The following MTMR6 variants were observed in gnomAD, a reference collection of about 807,000 sequenced individuals.
The protein encoded by MTMR6 is myotubularin related protein 6.
A neutral mutation model predicts 80.1 loss-of-function variants in MTMR6; 47 were observed. The ratio of observed to expected loss-of-function variants is 0.59; its 90% CI spans 0.46 to 0.75. The LOEUF (loss-of-function observed/expected upper bound fraction) is 0.75, where lower values mean the gene tolerates loss of function less well. Among genes scored for constraint, MTMR6 ranks in the 30% least tolerant of loss-of-function variants. MTMR6 has a pLI of 0.00. For synonymous variants in MTMR6, 254 were observed against 253.0 expected, an observed-to-expected ratio of 1.00 and a Z score of -0.04; for missense variants, 629 against 730.9, an observed-to-expected ratio of 0.86 and a Z score of 1.61.
chr13:25,264,489 T>A (rs932501328), intron 5 of MTMR6, among the ~76,000 whole-genome samples: 6 of 152,012 alleles, frequency 3.9e-5, no homozygotes, highest in African/African-American at 1.2e-4. Flanking sequence ...GCGCAGTGGC[T>A]CACACCTGTA....
intron 1 of MTMR6, among the ~76,000 whole-genome samples, chr13:25,286,598 G>C (rs531602700): frequency 2.0e-5 from 3 of 152,306 alleles, no homozygotes; most frequent in African/African-American, 4.8e-5. Flanking sequence ...ATCGAATAAA[G>C]CTGCATCCGA....
In MTMR6 at chr13:25,260,452, C is replaced by T; in HGVS notation, c.726+1216G>A. On this transcript the variant is annotated intron_variant, in intron 6 of 13. Transcript: ENST00000381801. ...CAAAGTACAATTTACTCAAATTAAT[C>T]TCTTCTTCTGGTTTCTAAATTATCT... The T allele has an allele frequency of 8.6e-6, 4 of 464,520 alleles. No individual in the cohort carries two copies. The South Asian group carries it at 9.5e-5, about 11-fold the overall frequency. 28.8% of individuals were successfully genotyped at this position (464,520 alleles called of 1,614,324 possible). A position where few individuals can be genotyped will look rare whatever the true frequency, so the allele number is the denominator to read the frequency against.
rs1957344645 is a variant in MTMR6, at chr13:25,261,659, A to G, written c.726+9T>C. ...AACTAGCAGACTGTACTGTATTTAA[A>G]ATACATACTTTTGGCCTGGTATCCA... is the stretch of plus-strand genomic sequence containing the variant. On this transcript the variant is annotated intron_variant, in intron 6 of 13. Coordinates refer to ENST00000381801, the MANE Select transcript of MTMR6 (RefSeq NM_004685.5). 2 of 1,605,038 alleles carry G rather than the reference A, an allele frequency of 1.2e-6. No homozygotes were observed. Among genetic ancestry groups the G allele is most frequent in the Non-Finnish European group, 1.7e-6 (2 of 1,175,248 alleles).
intron 1 of MTMR6, among the ~76,000 whole-genome samples, chr13:25,283,854 G>A (rs187082426): frequency 1.3e-5 from 2 of 152,282 alleles, no homozygotes; most frequent in African/African-American, 4.8e-5. Flanking sequence ...TTTCTTGGCA[G>A]GACTATGTCA....
At chr13:25,262,951 C>G (rs1957372298) in intron 5 of MTMR6, among the ~76,000 whole-genome samples, 1 of 152,232 alleles carries the variant, frequency 6.6e-6, no homozygotes, top group African/African-American at 2.4e-5. Flanking sequence ...GAGGCCATAA[C>G]CATTTAACCT....
At chr13:25,254,583 C>T (rs1242241190) in intron 9 of MTMR6, 149 bp from the exon 10 acceptor site, 1 of 619,920 alleles carries the variant, frequency 1.6e-6, no homozygotes, top group East Asian at 3.1e-5. Flanking sequence ...CAAAAGAATG[C>T]CAAAACCTTG....
At chr13:25,269,646 T>A (rs1957528009) in intron 2 of MTMR6, among the ~76,000 whole-genome samples, 1 of 151,972 alleles carries the variant, frequency 6.6e-6, no homozygotes, top group African/African-American at 2.4e-5. Context: ...ATTATTTATA[T>A]AATACACATA....
In MTMR6 at chr13:25,253,967, A is replaced by C; in HGVS notation, c.1146-3T>G. ...GGTCACCATCCAACTGGCCACACCT[A>C]ACCCCACAGAAAGTATAAGCTTTTA... On this transcript the variant is annotated splice_polypyrimidine_tract_variant and splice_region_variant and intron_variant, in intron 10 of 13. Coordinates refer to ENST00000381801, the MANE Select transcript of MTMR6 (RefSeq NM_004685.5). 6.2e-7 allele frequency: 1 copy of C among 1,612,394 alleles called. No individual in the cohort carries two copies. The highest frequency in any genetic ancestry group is 8.5e-7 in the Non-Finnish European group (1 of 1,179,896).
intron 3 of MTMR6, among the ~76,000 whole-genome samples, chr13:25,267,111 G>A (rs1471207452): frequency 1.3e-5 from 2 of 152,042 alleles, no homozygotes; most frequent in African/African-American, 4.8e-5. Flanking sequence ...AGCCGGGTGT[G>A]GTGGTGGCTG....
At chr13:25,283,000 T>C (rs1957889644) in intron 1 of MTMR6, among the ~76,000 whole-genome samples, 1 of 151,930 alleles carries the variant, frequency 6.6e-6, no homozygotes, top group South Asian at 2.1e-4. Context: ...TTCAATGATT[T>C]ACCTAAACAC....
intron 4 of MTMR6, 52 bp downstream of exon 4, chr13:25,266,076 TA>T: frequency 1.9e-6 from 3 of 1,603,570 alleles, no homozygotes; most frequent in Non-Finnish European, 2.6e-6. Context: ...TGACACTCTC[TA>T]ACCCTCTGGT....
At position 25,287,334 on chromosome 13, in the gene MTMR6, G is replaced by A. The variant is rs916889250; in HGVS notation, c.-87C>T. 6 of 1,509,062 alleles carry A rather than the reference G, an allele frequency of 4.0e-6. No homozygotes were observed. The highest frequency in any genetic ancestry group is 5.4e-6 in the Non-Finnish European group (6 of 1,119,316). 93.5% of individuals were successfully genotyped at this position (1,509,062 alleles called of 1,614,324 possible). ...GCGGTGACAGCGACAGAGAGCAAGCGGGAACTCCCTCCACCAGCCAGCGCC... is the reference window on the plus strand; with the variant it reads ...GCGGTGACAGCGACAGAGAGCAAGCAGGAACTCCCTCCACCAGCCAGCGCC... On this transcript the variant is annotated 5_prime_UTR_variant, in exon 1 of 14. Transcript: ENST00000381801.
At position 25,254,340 on chromosome 13, in the gene MTMR6, G is replaced by T. The variant is rs746858588; in HGVS notation, c.1145+45C>A. On this transcript the variant is annotated intron_variant, in intron 10 of 13. Coordinates refer to ENST00000381801, the MANE Select transcript of MTMR6 (RefSeq NM_004685.5). Reference sequence around the variant, plus strand: ...GAAACATTTTGGCATTCTAAACTTGGTTTACTAATTTTATAAAATATATGA... The same window carrying T: ...GAAACATTTTGGCATTCTAAACTTGTTTTACTAATTTTATAAAATATATGA... 3 of 1,395,530 alleles carry T rather than the reference G, an allele frequency of 2.1e-6. No individual in the cohort carries two copies. In the African/African-American group the frequency reaches 4.3e-5, roughly 20 times the overall value. The allele number at this position is 1,395,530 out of a possible 1,614,324, so 86.4% of individuals were successfully genotyped here. A position where few individuals can be genotyped will look rare whatever the true frequency, so the allele number is the denominator to read the frequency against.
At chr13:25,267,709 C>A (rs1271851067) in intron 3 of MTMR6, 70 bp downstream of exon 3, 16 of 1,432,660 alleles carry the variant, frequency 1.1e-5, no homozygotes, top group African/African-American at 2.9e-5. Flanking sequence ...AATAATAAAA[C>A]ATTAAATAAA....
intron 6 of MTMR6, among the ~76,000 whole-genome samples, chr13:25,261,383 AATAAC>A (rs1258962360): frequency 4.6e-5 from 7 of 151,562 alleles, no homozygotes; most frequent in Non-Finnish European, 1.0e-4. Context: ...ATTTCTTCAC[AATAAC>A]ATAAGACTTA....
chr13:25,254,209 T>C (rs923040055), intron 10 of MTMR6, among the ~76,000 whole-genome samples, 176 bp downstream of exon 10: 1 of 152,172 alleles, frequency 6.6e-6, no homozygotes, highest in African/African-American at 2.4e-5. Context: ...ACAAGCGTAC[T>C]AGAATTGAAA....
chr13:25,247,698 T>A lies in MTMR6; in HGVS notation c.*1534A>T, dbSNP rs2137504689. 6.6e-6 allele frequency: 1 copy of A among 152,284 alleles called. No homozygotes were observed. Among genetic ancestry groups the A allele is most frequent in the African/African-American group, 2.4e-5 (1 of 41,578 alleles). 9.4% of individuals were successfully genotyped at this position (152,284 alleles called of 1,614,324 possible). ...TTGCTGTTTAAAAAGGAATATTTTTTAAATTACATAATGTATTACAGAAAA... is the reference window on the plus strand; with the variant it reads ...TTGCTGTTTAAAAAGGAATATTTTTAAAATTACATAATGTATTACAGAAAA... On this transcript the variant is annotated 3_prime_UTR_variant, in exon 14 of 14. Transcript: ENST00000381801.
intron 1 of MTMR6, among the ~76,000 whole-genome samples, 169 bp downstream of exon 1, chr13:25,287,055 A>G (rs1244781356): frequency 2.0e-5 from 3 of 151,442 alleles, no homozygotes; most frequent in African/African-American, 7.3e-5. Context: ...GCTTGGCCCA[A>G]GCTAACCCTG....
intron 5 of MTMR6, among the ~76,000 whole-genome samples, chr13:25,262,608 T>C (rs1042808372): frequency 1.3e-5 from 2 of 152,204 alleles, no homozygotes; most frequent in African/African-American, 4.8e-5. Context: ...GCTCAAGCGA[T>C]CTGCCCACCT....
Sources: gnomAD v4.1 joint callset for allele counts (sites outside exome capture counted in the v4.1 genomes callset) on GRCh38, gnomAD v4.1.1 for gene constraint, MANE v1.5 for transcripts, NCBI Gene and HGNC (gene_info 2026-07-23, HGNC 2026-07-21) for gene names.